LARGE1: variants seen among roughly 807,000 people sequenced by gnomAD.
The protein encoded by LARGE1 is xylosyl- and glucuronyltransferase LARGE1.
A neutral mutation model predicts 87.6 loss-of-function variants in LARGE1; 43 were observed. That is an observed-to-expected ratio of 0.49 (90% CI 0.38 to 0.63). The LOEUF (loss-of-function observed/expected upper bound fraction) is 0.63, where lower values mean the gene tolerates loss of function less well. LARGE1 is among the 30% of genes least tolerant of loss of function. The pLI is 0.00. For synonymous variants in LARGE1, 434 were observed against 394.6 expected (o/e 1.10, Z -1.18); for missense variants, 802 against 1,000.2 (o/e 0.80, Z 2.67).
chr22:33,184,870 C>T (rs1923391129), intron 11 of LARGE1, among the ~76,000 whole-genome samples: 1 of 152,038 alleles, frequency 6.6e-6, no homozygotes, highest in African/African-American at 2.4e-5. Context: ...TCACTATACA[C>T]CTATTATTAA....
chr22:33,100,477 C>T, the LARGE1 span, among the ~76,000 whole-genome samples: 4 of 152,094 alleles, frequency 2.6e-5, no homozygotes, highest in Admixed American at 6.6e-5. Flanking sequence ...TAGCCACATG[C>T]GGCCCAAGAC....
the LARGE1 span, among the ~76,000 whole-genome samples, chr22:33,117,525 G>A: frequency 6.6e-6 from 1 of 151,988 alleles, no homozygotes; most frequent in Non-Finnish European, 1.5e-5. Flanking sequence ...GAGGAGATTG[G>A]GGAGGGTCAG....
chr22:33,383,120 C>T (rs2065211857), intron 8 of LARGE1, among the ~76,000 whole-genome samples: 1 of 152,128 alleles, frequency 6.6e-6, no homozygotes, highest in Non-Finnish European at 1.5e-5. Context: ...GCAGAAAACT[C>T]AGAGAAATCA....
intron 7 of LARGE1, among the ~76,000 whole-genome samples, chr22:33,395,226 C>CAAAAAA (rs3071528): frequency 0.2 from 12,148 of 61,310 alleles, 1,726 homozygotes; most frequent in African/African-American, 0.3. Flanking sequence ...GACTCTGCCT[C>CAAAAAA]AAAAAAAAAA....
intron 6 of LARGE1, among the ~76,000 whole-genome samples, chr22:33,553,321 C>T (rs1169074533): frequency 6.6e-6 from 1 of 150,966 alleles, no homozygotes; most frequent in Non-Finnish European, 1.5e-5. Context: ...GCCTGGGGAA[C>T]AAAGTGAGAC....
downstream of LARGE1, among the ~76,000 whole-genome samples, chr22:33,160,042 C>T (rs1222128036): frequency 1.3e-5 from 2 of 151,864 alleles, no homozygotes; most frequent in African/African-American, 4.8e-5. Context: ...TGAACTTATA[C>T]AGAGGGAAAT....
At chr22:33,591,148 C>G (rs1268216308) in intron 5 of LARGE1, among the ~76,000 whole-genome samples, 1 of 152,210 alleles carries the variant, frequency 6.6e-6, no homozygotes, top group African/African-American at 2.4e-5. Context: ...TTGCAGTGAG[C>G]CAAGATGGGG....
chr22:33,178,590 G>A (rs980550363), intron 11 of LARGE1, among the ~76,000 whole-genome samples: 3 of 152,124 alleles, frequency 2.0e-5, no homozygotes, highest in Admixed American at 2.0e-4. Context: ...ATATTTTTTG[G>A]GGTTTTGCTT....
At chr22:33,490,393 A>T (rs1051327562) in intron 6 of LARGE1, among the ~76,000 whole-genome samples, 3 of 152,196 alleles carry the variant, frequency 2.0e-5, no homozygotes, top group Non-Finnish European at 4.4e-5. Flanking sequence ...CTGAGATGTT[A>T]TTTTAATGAA....
chr22:33,502,182 T>G (rs1602139238), intron 6 of LARGE1, among the ~76,000 whole-genome samples: 4 of 124,596 alleles, frequency 3.2e-5, no homozygotes, highest in African/African-American at 6.2e-5. Context: ...GATGGCAGAG[T>G]GAGACCCCAT....
intron 9 of LARGE1, among the ~76,000 whole-genome samples, chr22:33,340,662 C>T (rs1569074383): frequency 1.3e-5 from 2 of 151,878 alleles, no homozygotes; most frequent in South Asian, 4.1e-4. Context: ...ACTGCTCATG[C>T]CCTTGACTGG....
At chr22:33,613,713 C>T (rs1341147542) in intron 4 of LARGE1, among the ~76,000 whole-genome samples, 1 of 152,172 alleles carries the variant, frequency 6.6e-6, no homozygotes, top group Non-Finnish European at 1.5e-5. Context: ...CCTGTCTCTT[C>T]TTTAGAATTT....
chr22:33,229,859 T>G (rs1925915908), intron 11 of LARGE1, among the ~76,000 whole-genome samples: 1 of 151,628 alleles, frequency 6.6e-6, no homozygotes, highest in Non-Finnish European at 1.5e-5. Flanking sequence ...TTCTGAACAA[T>G]AAAGACAAAA....
chr22:33,204,761 G>A (rs372017174), intron 11 of LARGE1, among the ~76,000 whole-genome samples: 2 of 152,092 alleles, frequency 1.3e-5, no homozygotes, highest in Admixed American at 1.3e-4. Flanking sequence ...TTCCTCAACT[G>A]TGTTCCCCTT....
the LARGE1 span, among the ~76,000 whole-genome samples, chr22:33,153,084 T>A: frequency 1.3e-5 from 2 of 152,232 alleles, no homozygotes; most frequent in Non-Finnish European, 2.9e-5. Flanking sequence ...TTATTTTCCG[T>A]ATTTATCACA....
chr22:33,373,099 G>A lies in LARGE1; in HGVS notation c.1131+8820C>T, dbSNP rs182781262. Among the ~76,000 whole-genome samples, 256 of 152,276 alleles carry A rather than the reference G, an allele frequency of 1.7e-3. 2 individuals carry two copies. Among genetic ancestry groups the A allele is most frequent in the African/African-American group, 5.9e-3 (244 of 41,574 alleles). ...GTTGTAAAAGGTCTGAGTAAGTCACGATAAAGTTTATGAAGGATAAATTTA... is the reference window on the plus strand; with the variant it reads ...GTTGTAAAAGGTCTGAGTAAGTCACAATAAAGTTTATGAAGGATAAATTTA... On this transcript the variant is annotated intron_variant, in intron 9 of 14. Coordinates refer to ENST00000397394, the MANE Select transcript of LARGE1 (RefSeq NM_133642.5).
At chr22:33,104,072 A>G in the LARGE1 span, among the ~76,000 whole-genome samples, 1 of 152,282 alleles carries the variant, frequency 6.6e-6, no homozygotes, top group African/African-American at 2.4e-5. Context: ...AGCAGAGTGA[A>G]AACAGACTAA....
intron 1 of LARGE1, among the ~76,000 whole-genome samples, chr22:33,776,288 G>A (rs1192369735): frequency 6.6e-6 from 1 of 152,190 alleles, no homozygotes; most frequent in Non-Finnish European, 1.5e-5. Context: ...AGGCAGGCAG[G>A]TGGTGTGGAC....
chr22:33,390,561 G>T (rs1004750587), intron 7 of LARGE1, among the ~76,000 whole-genome samples: 1 of 152,106 alleles, frequency 6.6e-6, no homozygotes, highest in South Asian at 2.1e-4. Flanking sequence ...AATGTCACAC[G>T]TGTGCTCGGC....
Sources: gnomAD v4.1 joint callset for allele counts (sites outside exome capture counted in the v4.1 genomes callset) on GRCh38, gnomAD v4.1.1 for gene constraint, MANE v1.5 for transcripts, NCBI Gene and HGNC (gene_info 2026-07-23, HGNC 2026-07-21) for gene names.